LPAR2: variants seen among roughly 807,000 people sequenced by gnomAD.
LPAR2 encodes the protein lysophosphatidic acid receptor 2.
Under a neutral mutation model 15.6 loss-of-function variants are expected in LPAR2, and 10 were observed. The ratio of observed to expected loss-of-function variants is 0.64; its 90% CI spans 0.39 to 1.09. LPAR2 has a LOEUF of 1.09. Ranked by LOEUF, LPAR2 falls within the 50% of genes least tolerant of loss-of-function variation. The pLI is 0.01. For synonymous variants in LPAR2, 204 were observed against 207.4 expected, an observed-to-expected ratio of 0.98 and a Z score of 0.14; for missense variants, 413 against 484.6, an observed-to-expected ratio of 0.85 and a Z score of 1.39.
chr19:19,626,907 G>C lies in LPAR2; in HGVS notation c.378C>G (p.Ala126=). The change falls in exon 2 of 3, where the codon GCC becomes GCG. Residue 126 remains alanine, a synonymous_variant. Coordinates refer to ENST00000407877, the MANE Select transcript of LPAR2 (RefSeq NM_004720.7). This position sits in a 1 kb window ranked among gnomAD's most constrained non-coding sequence, Gnocchi z 5.3. ...CCATCACACTGCGGTGCCGCTCCAC[G>C]GCGATGGCCAGCAGTGTGGCCACCG... The C allele has an allele frequency of 6.2e-7, 1 of 1,601,774 alleles. No individual in the cohort carries two copies. Among genetic ancestry groups the C allele is most frequent in the Non-Finnish European group, 8.5e-7 (1 of 1,175,014 alleles).
In LPAR2 at chr19:19,624,366, G is replaced by C. The variant is rs778131072; in HGVS notation, c.946C>G (p.Arg316Gly). The change falls in exon 3 of 3, where the codon CGC becomes GGC. Residue 316 changes from arginine (R) to glycine (G), a missense_variant. Physicochemically the swap from Arg to Gly is moderately radical, Grantham distance 125. Coordinates refer to ENST00000407877, the MANE Select transcript of LPAR2 (RefSeq NM_004720.7). ...TGGACAGACTCGCGGGTGGACTGGC[G>C]GAGGCACGCGCAGCAGAGAAGGCGG... 6.2e-7 allele frequency: 1 copy of C among 1,614,228 alleles called. No individual in the cohort carries two copies. The highest frequency in any genetic ancestry group is 1.3e-5 in the African/African-American group (1 of 75,064).
intron 2 of LPAR2, among the ~76,000 whole-genome samples, chr19:19,625,782 CAAAAAA>C (rs34230172): frequency 2.6e-5 from 2 of 76,352 alleles, no homozygotes; most frequent in African/African-American, 1.1e-4. Flanking sequence ...GACTCTGTCT[CAAAAAA>C]AAAAAAAAAA....
At position 19,626,521 on chromosome 19, in the gene LPAR2, G is replaced by A; in HGVS notation, c.742+22C>T. On this transcript the variant is annotated intron_variant, in intron 2 of 2. Transcript: ENST00000407877. The surrounding 1 kb of genome is among the most constrained non-coding windows in gnomAD (Gnocchi z 5.3). ...GATAGGGGGAAGCAGGGTCCCTGTTGCCCCCTGGGGGCCCCACTTACCCAG... is the reference window on the plus strand; with the variant it reads ...GATAGGGGGAAGCAGGGTCCCTGTTACCCCCTGGGGGCCCCACTTACCCAG... 6.4e-7 allele frequency: 1 copy of A among 1,568,948 alleles called. No homozygotes were observed. The highest frequency in any genetic ancestry group is 8.6e-7 in the Non-Finnish European group (1 of 1,156,986).
At position 19,626,357 on chromosome 19, in the gene LPAR2, T is replaced by C. The variant is rs753908559; in HGVS notation, c.742+186A>G. Among the ~76,000 whole-genome samples, 3 of 152,258 alleles carry C rather than the reference T, an allele frequency of 2.0e-5. No homozygotes were observed. Among genetic ancestry groups the C allele is most frequent in the Non-Finnish European group, 4.4e-5 (3 of 68,040 alleles). On this transcript the variant is annotated intron_variant, in intron 2 of 2. Coordinates refer to ENST00000407877, the MANE Select transcript of LPAR2 (RefSeq NM_004720.7). The surrounding 1 kb of genome is among the most constrained non-coding windows in gnomAD (Gnocchi z 5.3). ...TCCGTTTCCTCTGCCTGGAAGGCTCTCTGTTCCTATCCTCAGCATTCAGGC... is the reference window on the plus strand; with the variant it reads ...TCCGTTTCCTCTGCCTGGAAGGCTCCCTGTTCCTATCCTCAGCATTCAGGC...
chr19:19,623,807 G>C lies in LPAR2; in HGVS notation c.*449C>G, dbSNP rs1044765102. ...TCACACTCTGCACCCCTCAGTCTCT[G>C]CTGCTAAAGAATCAGACTCAGGTAG... On this transcript the variant is annotated 3_prime_UTR_variant, in exon 3 of 3. Transcript: ENST00000407877. 2.4e-5 allele frequency: 4 copies of C among 167,828 alleles called. No individual in the cohort carries two copies. The highest frequency in any genetic ancestry group is 5.2e-5 in the Non-Finnish European group (4 of 77,216). The allele number at this position is 167,828 out of a possible 1,614,324, so 10.4% of individuals were successfully genotyped here.
chr19:19,627,971 T>C lies in LPAR2; in HGVS notation c.-1+121A>G, dbSNP rs1312934825. ...GCCGGGCCTCCAGGCGTCTCCAGAC[T>C]GGGGAAGGGGTAGGGGGTTAAGGGA... On this transcript the variant is annotated intron_variant, in intron 1 of 2. Coordinates refer to ENST00000407877, the MANE Select transcript of LPAR2 (RefSeq NM_004720.7). The surrounding 1 kb of genome is among the most constrained non-coding windows in gnomAD (Gnocchi z 4.7). 1 of 153,098 alleles carries C rather than the reference T, an allele frequency of 6.5e-6. No homozygotes were observed. The highest frequency in any genetic ancestry group is 1.5e-5 in the Non-Finnish European group (1 of 68,830). 9.5% of individuals were successfully genotyped at this position (153,098 alleles called of 1,614,324 possible). A position where few individuals can be genotyped will look rare whatever the true frequency, so the allele number is the denominator to read the frequency against.
chr19:19,626,002 G>A lies in LPAR2; in HGVS notation c.742+541C>T, dbSNP rs1265723660. ...GGGTTCAAGCAATTCTCCTGCCTCA[G>A]GCTCCCGAGTAGCTGGGATTACAGG... On this transcript the variant is annotated intron_variant, in intron 2 of 2. Coordinates refer to ENST00000407877, the MANE Select transcript of LPAR2 (RefSeq NM_004720.7). The surrounding 1 kb of genome is among the most constrained non-coding windows in gnomAD (Gnocchi z 5.3). Among the ~76,000 whole-genome samples, 1 of 150,776 alleles carries A rather than the reference G, an allele frequency of 6.6e-6. No homozygotes were observed. The highest frequency in any genetic ancestry group is 2.4e-5 in the African/African-American group (1 of 41,008).
Position 19,624,173 on chromosome 19 carries a change from G to T in LPAR2, c.*83C>A. ...GTCCTGCCAGTCAGTCAGTCCTGTT[G>T]GTTGGGTTGAGCCAGGAGCACCCAC... On this transcript the variant is annotated 3_prime_UTR_variant, in exon 3 of 3. Coordinates refer to ENST00000407877, the MANE Select transcript of LPAR2 (RefSeq NM_004720.7). The T allele has an allele frequency of 1.5e-6, 2 of 1,378,560 alleles. No individual in the cohort carries two copies. Among genetic ancestry groups the T allele is most frequent in the Non-Finnish European group, 2.0e-6 (2 of 997,194 alleles). 85.4% of individuals were successfully genotyped at this position (1,378,560 alleles called of 1,614,324 possible). A position where few individuals can be genotyped will look rare whatever the true frequency, so the allele number is the denominator to read the frequency against.
Position 19,627,004 on chromosome 19 carries a change from G to A in LPAR2, c.281C>T (p.Pro94Leu). ...CTCAAGTGAAAGTCGGGCTGTGCGG[G>A]GACCAGTGTGGAACATGAGGAAGAG... Residue 94 changes from proline (P) to leucine (L), a missense_variant, in exon 2 of 3, where the codon CCC becomes CTC. By Grantham distance (98) the Pro-to-Leu change is moderately conservative. Transcript: ENST00000407877. This position sits in a 1 kb window ranked among gnomAD's most constrained non-coding sequence, Gnocchi z 4.7. The A allele has an allele frequency of 1.2e-6, 2 of 1,613,778 alleles. No homozygotes were observed. Among genetic ancestry groups the A allele is most frequent in the African/African-American group, 1.3e-5 (1 of 75,060 alleles).
Position 19,626,900 on chromosome 19 carries a change from G to C in LPAR2, c.385C>G (p.Arg129Gly). 11 of 1,598,660 alleles carry C rather than the reference G, an allele frequency of 6.9e-6. No individual in the cohort carries two copies. The highest frequency in any genetic ancestry group is 9.4e-6 in the Non-Finnish European group (11 of 1,173,564). ...TGCACGGCCATCACACTGCGGTGCC[G>C]CTCCACGGCGATGGCCAGCAGTGTG... Residue 129 changes from arginine (R) to glycine (G), a missense_variant, in exon 2 of 3, where the codon CGG becomes GGG. Transcript: ENST00000407877. This position sits in a 1 kb window ranked among gnomAD's most constrained non-coding sequence, Gnocchi z 5.3.
intron 2 of LPAR2, among the ~76,000 whole-genome samples, chr19:19,625,426 C>T (rs2061734909): frequency 1.3e-5 from 2 of 151,838 alleles, no homozygotes; most frequent in Non-Finnish European, 2.9e-5. Flanking sequence ...TATGATGGAG[C>T]CATTGTAATC....
At chr19:19,624,854 G>A (rs950172369) in intron 2 of LPAR2, among the ~76,000 whole-genome samples, 8 of 150,222 alleles carry the variant, frequency 5.3e-5, no homozygotes, top group South Asian at 4.3e-4. Context: ...TCGCTCTGTC[G>A]CCAGGCTAGA....
chr19:19,625,122 T>G (rs1286785045), intron 2 of LPAR2, among the ~76,000 whole-genome samples: 1 of 151,766 alleles, frequency 6.6e-6, no homozygotes, highest in Non-Finnish European at 1.5e-5. Flanking sequence ...GCCTGGCCTG[T>G]GTGTTTTTTT....
At position 19,628,075 on chromosome 19, in the gene LPAR2, G is replaced by A. The variant is rs895243822; in HGVS notation, c.-1+17C>T. On this transcript the variant is annotated intron_variant, in intron 1 of 2. Coordinates refer to ENST00000407877, the MANE Select transcript of LPAR2 (RefSeq NM_004720.7). ...CCAGGCCCGCACCCGCCCGCCTCCC[G>A]TCCGTGCAGGCCTCACCTGGGCCTC... 6.6e-6 allele frequency: 1 copy of A among 152,414 alleles called. No individual in the cohort carries two copies. Among genetic ancestry groups the A allele is most frequent in the African/African-American group, 2.4e-5 (1 of 41,440 alleles). The allele number at this position is 152,414 out of a possible 1,614,324, so 9.4% of individuals were successfully genotyped here.
rs186631187 is a variant in LPAR2 at position 19,625,398 on chromosome 19, G to A, written c.743-829C>T. Reference sequence around the variant, plus strand: ...CGGGAGGATCACCTGAGCCCGGAAGGTTGAGGCTGCAGTGAGCTATGATGG... The same window carrying A: ...CGGGAGGATCACCTGAGCCCGGAAGATTGAGGCTGCAGTGAGCTATGATGG... On this transcript the variant is annotated intron_variant, in intron 2 of 2. Coordinates refer to ENST00000407877, the MANE Select transcript of LPAR2 (RefSeq NM_004720.7). 3.4e-3 allele frequency among the ~76,000 whole-genome samples: 518 copies of A among 152,176 alleles called. 6 individuals are homozygous for A. The highest frequency in any genetic ancestry group is 0.012 in the African/African-American group (505 of 41,508).
chr19:19,627,112 G>A lies in LPAR2; in HGVS notation c.173C>T (p.Ala58Val), dbSNP rs780318522. The change falls in exon 2 of 3, where the codon GCC becomes GTC. Residue 58 changes from alanine to valine, a missense_variant. By Grantham distance (64) the Ala-to-Val change is moderately conservative (BLOSUM62 0). Transcript: ENST00000407877. This position sits in a 1 kb window ranked among gnomAD's most constrained non-coding sequence, Gnocchi z 4.7. ...GGGCTGGTGGAAGCGGCGGTTGGAG[G>A]CGATGGCTGCTATGACCAGCAGATT... The A allele has an allele frequency of 1.1e-5, 17 of 1,611,920 alleles. No individual in the cohort carries two copies. The highest frequency in any genetic ancestry group is 5.0e-5 in the Admixed American group (3 of 59,820).
chr19:19,624,509 C>T lies in LPAR2; in HGVS notation c.803G>A (p.Cys268Tyr). Residue 268 changes from cysteine to tyrosine, a missense_variant, in exon 3 of 3, where the codon TGT (cysteine) becomes TAT (tyrosine). Cys to Tyr is a radical substitution (Grantham distance 194, BLOSUM62 -2). Coordinates refer to ENST00000407877, the MANE Select transcript of LPAR2 (RefSeq NM_004720.7). Reference sequence around the variant, plus strand: ...TACAGCCAGGACATTGCAGGACTCACAGCCTAAACCATCCAGGAGCAGTAC... The same window carrying T: ...TACAGCCAGGACATTGCAGGACTCATAGCCTAAACCATCCAGGAGCAGTAC... 11 of 1,613,890 alleles carry T rather than the reference C, an allele frequency of 6.8e-6. No individual in the cohort carries two copies. Among genetic ancestry groups the T allele is most frequent in the South Asian group, 1.1e-5 (1 of 91,072 alleles).
rs1322766166 is a variant in LPAR2 at position 19,627,072 on chromosome 19, G to A, written c.213C>T (p.Leu71=). Reference sequence around the variant, plus strand: ...AGAGGTCAGCCGCGGCCAGATTGCCGAGCAGGTAGTAGATGGGCTGGTGGA... The same window carrying A: ...AGAGGTCAGCCGCGGCCAGATTGCCAAGCAGGTAGTAGATGGGCTGGTGGA... The change falls in exon 2 of 3, where the codon CTC becomes CTT. Residue 71 remains leucine, a synonymous_variant. Coordinates refer to ENST00000407877, the MANE Select transcript of LPAR2 (RefSeq NM_004720.7). This position sits in a 1 kb window ranked among gnomAD's most constrained non-coding sequence, Gnocchi z 4.7. The A allele has an allele frequency of 7.4e-6, 12 of 1,613,498 alleles. No individual in the cohort carries two copies. In the East Asian group the frequency reaches 1.6e-4, roughly 21 times the overall value.
intron 2 of LPAR2, among the ~76,000 whole-genome samples, 200 bp from the exon 3 acceptor site, chr19:19,624,769 T>C (rs2061731673): frequency 6.6e-6 from 1 of 151,152 alleles, no homozygotes; most frequent in Non-Finnish European, 1.5e-5. Context: ...TGGTACACAG[T>C]GGCCAAGGCA....
Sources: allele counts gnomAD v4.1 joint callset (sites outside exome capture counted in the v4.1 genomes callset), GRCh38; gene constraint gnomAD v4.1.1; non-coding constraint Gnocchi (gnomAD v3.1); transcripts MANE v1.5; gene names NCBI Gene and HGNC (gene_info 2026-07-23, HGNC 2026-07-21).